The following IGLL5 variants were observed in gnomAD, a reference collection of about 807,000 sequenced individuals.
The protein encoded by IGLL5 is immunoglobulin lambda like polypeptide 5, also known as immunoglobulin lambda-like polypeptide 5.
IGLL5 carries 30 observed loss-of-function variants against 20.9 expected under a neutral mutation model. The observed-to-expected ratio is 1.44, with a 90% confidence interval of 1.07 to 1.95. The LOEUF (loss-of-function observed/expected upper bound fraction) is 1.95, where lower values mean the gene tolerates loss of function less well. Ranked by LOEUF, IGLL5 falls within the 30% of genes most tolerant of loss-of-function variation. The pLI is 0.00. For missense variants in IGLL5, 475 were observed against 270.7 expected, an observed-to-expected ratio of 1.75 and a Z score of -5.30; for synonymous variants, 203 against 117.3, an observed-to-expected ratio of 1.73 and a Z score of -4.72.
chr22:22,888,502 T>C lies in IGLL5; in HGVS notation c.206+243T>C, dbSNP rs528647714. On this transcript the variant is annotated intron_variant, in intron 1 of 2. Transcript: ENST00000526893. ...TCTGAGTTTTCTGGCGCCACTTAAA[T>C]TTTCACCAGGGTCAGTGCCTCAATC... Among the ~76,000 whole-genome samples the C allele has an allele frequency of 9.9e-5, 15 of 151,382 alleles. 1 individual carries two copies. The highest frequency in any genetic ancestry group is 8.1e-4 in the East Asian group (4 of 4,942).
chr22:22,889,199 A>T (rs1601606858), intron 1 of IGLL5, among the ~76,000 whole-genome samples: 1 of 150,924 alleles, frequency 6.6e-6, no homozygotes, highest in African/African-American at 2.4e-5. Context: ...GTAGGTGGGG[A>T]TCCTGGAGGA....
chr22:22,889,086 A>G (rs184284348), intron 1 of IGLL5, among the ~76,000 whole-genome samples: 2 of 151,272 alleles, frequency 1.3e-5, no homozygotes, highest in Admixed American at 6.6e-5. Context: ...TAGATTGATT[A>G]TCAGAGTCAG....
At position 22,888,242 on chromosome 22, in the gene IGLL5, G is replaced by C. The variant is rs766474345; in HGVS notation, c.189G>C (p.Leu63=). ...CAGTTGGAAGCAGCCGATCCAGCCT[G>C]CGGAGCCTGTGGGGCAGGTAAGGGG... ...GASVGSSRSS[L]RSLWGRLLLQ... is the part of the protein sequence containing the mutation. Residue 63 remains leucine, a synonymous_variant, in exon 1 of 3, where the codon CTG becomes CTC. Transcript: ENST00000526893. The C allele has an allele frequency of 1.3e-6, 2 of 1,547,962 alleles. No homozygotes were observed. The highest frequency in any genetic ancestry group is 2.5e-5 in the East Asian group (1 of 40,606).
At position 22,893,733 on chromosome 22, in the gene IGLL5, C is replaced by A. The variant is rs1469776839; in HGVS notation, c.240C>A (p.Asp80Glu). Residue 80 changes from aspartate (D) to glutamate (E), a missense_variant, in exon 2 of 3, where the codon GAC becomes GAA. Transcript: ENST00000526893. ...LLLQPSPQRA[D>E]PRCWPRGFWS... ...TCCAGCCCAGCCCCCAGAGAGCAGA[C>A]CCCAGGTGCTGGCCCCGGGGGTTTT... The A allele has an allele frequency of 1.9e-6, 3 of 1,607,398 alleles. No homozygotes were observed. The highest frequency in any genetic ancestry group is 1.7e-5 in the Admixed American group (1 of 59,026).
chr22:22,894,253 G>T (rs1345981776), intron 2 of IGLL5, among the ~76,000 whole-genome samples: 4 of 151,120 alleles, frequency 2.6e-5, no homozygotes, highest in East Asian at 2.0e-4. Flanking sequence ...GAGGGTCTAG[G>T]CTGAGGACTG....
intron 1 of IGLL5, among the ~76,000 whole-genome samples, chr22:22,888,512 G>T (rs553090513): frequency 6.6e-6 from 1 of 151,312 alleles, no homozygotes; most frequent in South Asian, 2.1e-4. Flanking sequence ...TTTTCACCAG[G>T]GTCAGTGCCT....
chr22:22,894,095 G>T (rs2067981063), intron 2 of IGLL5, among the ~76,000 whole-genome samples: 2 of 151,498 alleles, frequency 1.3e-5, no homozygotes, highest in Admixed American at 1.3e-4. Flanking sequence ...ATGTCTGAGT[G>T]AGGGACAGAG....
At position 22,888,236 on chromosome 22, in the gene IGLL5, C is replaced by T. The variant is rs1440004739; in HGVS notation, c.183C>T (p.Ser61=). ...GAGCCTCAGTTGGAAGCAGCCGATC[C>T]AGCCTGCGGAGCCTGTGGGGCAGGT... ...DPGASVGSSR[S]SLRSLWGRLL... The change falls in exon 1 of 3, where the codon TCC becomes TCT. Residue 61 remains serine (S), a synonymous_variant. Coordinates refer to ENST00000526893, the MANE Select transcript of IGLL5 (RefSeq NM_001178126.2). The T allele has an allele frequency of 1.9e-6, 3 of 1,548,044 alleles. No individual in the cohort carries two copies. The highest frequency in any genetic ancestry group is 2.5e-5 in the East Asian group (1 of 40,600).
intron 1 of IGLL5, among the ~76,000 whole-genome samples, chr22:22,889,784 A>G (rs2067753317): frequency 6.6e-6 from 1 of 151,338 alleles, no homozygotes; most frequent in Non-Finnish European, 1.5e-5. Context: ...TAGTTTAGAG[A>G]CAGAGCCTCG....
At position 22,888,078 on chromosome 22, in the gene IGLL5, G is replaced by C. The variant is rs763031578; in HGVS notation, c.25G>C (p.Gly9Arg). ...AATGAGACCCAAGACAGGCCAAGTG[G>C]GTTGTGAGACCCCTGAGGAGCTGGG... is the stretch of plus-strand genomic sequence containing the variant. Reference protein sequence around the residue: MRPKTGQVGCETPEELGPG... With the variant: MRPKTGQVRCETPEELGPG... Residue 9 changes from glycine (G) to arginine (R), a missense_variant, in exon 1 of 3, where the codon GGT becomes CGT. Physicochemically the swap from Gly to Arg is moderately radical, Grantham distance 125 (BLOSUM62 -2). Coordinates refer to ENST00000526893, the MANE Select transcript of IGLL5 (RefSeq NM_001178126.2). 4 of 1,549,270 alleles carry C rather than the reference G, an allele frequency of 2.6e-6. No homozygotes were observed. The highest frequency in any genetic ancestry group is 1.4e-5 in the African/African-American group (1 of 72,922).
intron 1 of IGLL5, among the ~76,000 whole-genome samples, chr22:22,889,270 T>C (rs1601607231): frequency 4.0e-5 from 6 of 150,948 alleles, no homozygotes; most frequent in Admixed American, 2.0e-4. Context: ...CCCAGTTTCC[T>C]ATGAAATGGG....
chr22:22,889,974 T>C (rs1296387988), intron 1 of IGLL5, among the ~76,000 whole-genome samples: 2 of 151,178 alleles, frequency 1.3e-5, no homozygotes, highest in Non-Finnish European at 2.9e-5. Flanking sequence ...TGTGTCTGGC[T>C]GGCTGATGGG....
intron 2 of IGLL5, among the ~76,000 whole-genome samples, chr22:22,894,945 A>C (rs138588763): frequency 1.3e-5 from 2 of 151,438 alleles, no homozygotes; most frequent in African/African-American, 2.4e-5. Context: ...GTCCTACAGG[A>C]TGAGCAGGGG....
chr22:22,888,218 A>C lies in IGLL5; in HGVS notation c.165A>C (p.Ser55=), dbSNP rs1207543596. 4 of 1,548,322 alleles carry C rather than the reference A, an allele frequency of 2.6e-6. No homozygotes were observed. Among genetic ancestry groups the C allele is most frequent in the East Asian group, 2.5e-5 (1 of 40,604 alleles). Residue 55 remains serine, a synonymous_variant, in exon 1 of 3, where the codon TCA becomes TCC. Coordinates refer to ENST00000526893, the MANE Select transcript of IGLL5 (RefSeq NM_001178126.2). ...GCGGGGACCCAGACCCTGGAGCCTC[A>C]GTTGGAAGCAGCCGATCCAGCCTGC... ...PQSGDPDPGA[S]VGSSRSSLRS...
intron 1 of IGLL5, among the ~76,000 whole-genome samples, chr22:22,888,696 C>G (rs972062900): frequency 6.6e-6 from 1 of 151,230 alleles, no homozygotes; most frequent in Non-Finnish European, 1.5e-5. Context: ...CTGGAGAAGG[C>G]AGCAAGGGCT....
At chr22:22,894,870 G>T (rs2066704046) in intron 2 of IGLL5, among the ~76,000 whole-genome samples, 1 of 151,460 alleles carries the variant, frequency 6.6e-6, no homozygotes, top group Admixed American at 6.6e-5. Context: ...CCCGGTGCCT[G>T]TGAGGGATAG....
intron 1 of IGLL5, among the ~76,000 whole-genome samples, chr22:22,890,789 T>C (rs2067819932): frequency 6.6e-6 from 1 of 151,164 alleles, no homozygotes; most frequent in African/African-American, 2.4e-5. Context: ...TTGATCTTTT[T>C]ATATTCTGCC....
At chr22:22,889,148 G>A (rs73164951) in intron 1 of IGLL5, among the ~76,000 whole-genome samples, 4,069 of 151,088 alleles carry the variant, frequency 0.027, 97 homozygotes, top group East Asian at 0.1. Context: ...TGCGACGCCC[G>A]ATTAGAGGAG....
At chr22:22,888,511 G>A (rs2067608244) in intron 1 of IGLL5, among the ~76,000 whole-genome samples, 1 of 151,358 alleles carries the variant, frequency 6.6e-6, no homozygotes, top group South Asian at 2.1e-4. Context: ...ATTTTCACCA[G>A]GGTCAGTGCC....
Sources: allele counts gnomAD v4.1 joint callset (sites outside exome capture counted in the v4.1 genomes callset), GRCh38; gene constraint gnomAD v4.1.1; transcripts MANE v1.5; gene names NCBI Gene and HGNC (gene_info 2026-07-23, HGNC 2026-07-21).